Variants in NLGN1 observed in about 807,000 individuals in gnomAD.
NLGN1 encodes the protein neuroligin 1.
NLGN1 carries 12 observed loss-of-function variants against 65.5 expected under a neutral mutation model. The ratio of observed to expected loss-of-function variants is 0.18; its 90% CI spans 0.12 to 0.30. NLGN1 has a LOEUF of 0.30. Ranked by LOEUF, NLGN1 falls within the 10% of genes least tolerant of loss-of-function variation. The pLI is 1.00. For synonymous variants in NLGN1, 350 were observed against 359.5 expected (o/e 0.97, Z 0.30); for missense variants, 750 against 1,007.1 (o/e 0.74, Z 3.46).
At chr3:173,560,224 G>A (rs779724298) in intron 2 of NLGN1, among the ~76,000 whole-genome samples, 8 of 151,992 alleles carry the variant, frequency 5.3e-5, no homozygotes, top group Non-Finnish European at 7.4e-5. Flanking sequence ...GTGAGCCACC[G>A]CGCCCAGCCT....
At chr3:174,281,832 A>G (rs1452498167) in exon 7 of NLGN1, 1 of 153,146 alleles carries the variant, frequency 6.5e-6, no homozygotes, top group Non-Finnish European at 1.5e-5. Flanking sequence ...AAAGAAGTTT[A>G]AAGACTGGCA....
chr3:174,021,572 G>A (rs1400172675), intron 4 of NLGN1, among the ~76,000 whole-genome samples: 1 of 151,972 alleles, frequency 6.6e-6, no homozygotes, highest in Admixed American at 6.6e-5. Context: ...AATAATCTTG[G>A]AAGTAGTGTA....
chr3:174,034,428 A>G (rs1681587312), intron 4 of NLGN1, among the ~76,000 whole-genome samples: 2 of 152,158 alleles, frequency 1.3e-5, no homozygotes, highest in Middle Eastern at 6.8e-3. Flanking sequence ...AGAACCTTTT[A>G]TTTTTCTTAT....
intron 2 of NLGN1, among the ~76,000 whole-genome samples, chr3:173,600,177 A>G (rs573041864): frequency 1.3e-4 from 19 of 150,290 alleles, no homozygotes; most frequent in South Asian, 4.2e-4. Context: ...GGGTATATCT[A>G]TGTACATGTG....
chr3:174,281,930 T>TA (rs1204123143), exon 7 of NLGN1: 2 of 152,404 alleles, frequency 1.3e-5, no homozygotes, highest in Admixed American at 6.6e-5. Context: ...GCATGATAAT[T>TA]TATATGCTTG....
At chr3:173,574,266 T>G (rs1486104413) in intron 2 of NLGN1, among the ~76,000 whole-genome samples, 2 of 151,898 alleles carry the variant, frequency 1.3e-5, no homozygotes, top group Non-Finnish European at 2.9e-5. Flanking sequence ...TTAAGTCAAT[T>G]GAATGCTGTC....
At chr3:173,397,700 G>T, upstream of NLGN1, 1 of 152,398 alleles carries the variant, frequency 6.6e-6, no homozygotes, top group Non-Finnish European at 1.5e-5. Context: ...GCGGAGGGTT[G>T]ACCCTTCAAT....
intron 4 of NLGN1, among the ~76,000 whole-genome samples, chr3:173,881,849 A>C (rs768476347): frequency 1.3e-5 from 2 of 152,162 alleles, no homozygotes; most frequent in Non-Finnish European, 1.5e-5. Context: ...CCTCCCATGA[A>C]TCACAGATGT....
At chr3:173,791,395 C>A (rs1374745781) in intron 3 of NLGN1, among the ~76,000 whole-genome samples, 1 of 152,106 alleles carries the variant, frequency 6.6e-6, no homozygotes, top group East Asian at 1.9e-4. Context: ...TTATTCCGCA[C>A]ACCACCCAAT....
intron 4 of NLGN1, among the ~76,000 whole-genome samples, chr3:174,230,720 C>T (rs1177150281): frequency 2.6e-5 from 4 of 152,078 alleles, no homozygotes; most frequent in African/African-American, 7.2e-5. Context: ...ATCGTTTGTG[C>T]CCAGGAGTCT....
At chr3:174,074,154 A>C (rs1021768428) in intron 4 of NLGN1, among the ~76,000 whole-genome samples, 3 of 152,052 alleles carry the variant, frequency 2.0e-5, no homozygotes, top group African/African-American at 7.2e-5. Context: ...TCTCAAAATA[A>C]AAGGCTTGAT....
chr3:174,144,067 C>A (rs984083763), intron 4 of NLGN1, among the ~76,000 whole-genome samples: 1 of 152,122 alleles, frequency 6.6e-6, no homozygotes, highest in Non-Finnish European at 1.5e-5. Context: ...CCTCCCCTAG[C>A]CTCCCACCCT....
chr3:173,808,404 A>G (rs1277677104), intron 4 of NLGN1, among the ~76,000 whole-genome samples: 1 of 152,140 alleles, frequency 6.6e-6, no homozygotes, highest in Non-Finnish European at 1.5e-5. Context: ...AATGATGTAT[A>G]CTCTTGCCAA....
chr3:174,042,825 AC>A (rs1432824233), intron 4 of NLGN1, among the ~76,000 whole-genome samples: 1 of 152,176 alleles, frequency 6.6e-6, no homozygotes, highest in Non-Finnish European at 1.5e-5. Flanking sequence ...CCAAAACTTG[AC>A]CTGAGGCCTG....
intron 3 of NLGN1, among the ~76,000 whole-genome samples, chr3:173,615,397 T>TGAG (rs1752901922): frequency 6.6e-6 from 1 of 152,094 alleles, no homozygotes; most frequent in African/African-American, 2.4e-5. Flanking sequence ...TTATTTACAT[T>TGAG]GCAAGAAAAA....
rs1273114490 is a variant in NLGN1, at chr3:174,255,451, A to AAAAAG, written c.647-19860_647-19859insGAAAA. On this transcript the variant is annotated intron_variant, in intron 4 of 6. Transcript: ENST00000457714. ...ACTCTGTCTCAAAAAAAAAAAAAAA[A>AAAAAG]AAAAAGCGCAAGTCAAAGAGCAGTG... Among the ~76,000 whole-genome samples the AAAAAG allele has an allele frequency of 1.7e-4, 25 of 150,594 alleles. No homozygotes were observed. In the East Asian group the frequency reaches 3.7e-3, roughly 22 times the overall value.
intron 2 of NLGN1, among the ~76,000 whole-genome samples, chr3:173,435,577 G>A (rs1717975517): frequency 6.6e-6 from 1 of 152,208 alleles, no homozygotes; most frequent in African/African-American, 2.4e-5. Flanking sequence ...GCACACGCCT[G>A]TAATCCCAGC....
At chr3:173,452,876 C>T (rs1176819186) in intron 2 of NLGN1, among the ~76,000 whole-genome samples, 3 of 152,110 alleles carry the variant, frequency 2.0e-5, no homozygotes, top group Non-Finnish European at 2.9e-5. Context: ...ATATAAATTA[C>T]GTTTACATGA....
chr3:173,574,302 A>T (rs1487785561), intron 2 of NLGN1, among the ~76,000 whole-genome samples: 2 of 151,902 alleles, frequency 1.3e-5, no homozygotes, highest in Admixed American at 1.3e-4. Context: ...TGATAACTAA[A>T]GTATAGTTGA....
Sources: allele counts gnomAD v4.1 joint callset (sites outside exome capture counted in the v4.1 genomes callset), GRCh38; gene constraint gnomAD v4.1.1; transcripts MANE v1.5; gene names NCBI Gene and HGNC (gene_info 2026-07-23, HGNC 2026-07-21).